Variants in RAPGEF4 observed in about 807,000 individuals in gnomAD.
RAPGEF4 encodes the protein RAP guanine-nucleotide-exchange factor (GEF) 4.
RAPGEF4 carries 66 observed loss-of-function variants against 147.9 expected under a neutral mutation model. The observed-to-expected ratio is 0.45, with a 90% CI of 0.37 to 0.55. RAPGEF4 has a LOEUF of 0.55. Ranked by LOEUF, RAPGEF4 falls within the 20% of genes least tolerant of loss-of-function variation. RAPGEF4 has a pLI of 0.00. For synonymous variants in RAPGEF4, 419 were observed against 442.7 expected (o/e 0.95, Z 0.67); for missense variants, 1,071 against 1,257.3 (o/e 0.85, Z 2.24).
At chr2:172,850,491 A>G (rs762890847) in intron 4 of RAPGEF4, among the ~76,000 whole-genome samples, 2 of 151,878 alleles carry the variant, frequency 1.3e-5, no homozygotes, top group African/African-American at 4.8e-5. Context: ...GGTGGCGGGC[A>G]CCTATAGTCC....
At chr2:172,777,147 G>T (rs752818119) in intron 1 of RAPGEF4, among the ~76,000 whole-genome samples, 1 of 152,150 alleles carries the variant, frequency 6.6e-6, no homozygotes, top group African/African-American at 2.4e-5. Context: ...ATTAGAATAG[G>T]TCTAGCTCTT....
intron 4 of RAPGEF4, among the ~76,000 whole-genome samples, chr2:172,916,558 GGGTGATATATT>G (rs1309434529): frequency 2.0e-5 from 3 of 152,204 alleles, no homozygotes; most frequent in Non-Finnish European, 4.4e-5. Context: ...CAGGAATGCA[GGGTGATATATT>G]GGTCCTGTGG....
At chr2:172,889,050 G>A (rs1397953659) in intron 4 of RAPGEF4, among the ~76,000 whole-genome samples, 4 of 152,094 alleles carry the variant, frequency 2.6e-5, no homozygotes. Context: ...GAGTGCTGAC[G>A]AACAATTTCT....
At chr2:172,985,379 T>A in intron 11 of RAPGEF4, 54 bp from the exon 12 acceptor site, 2 of 1,613,480 alleles carry the variant, frequency 1.2e-6, no homozygotes, top group Non-Finnish European at 1.7e-6. Context: ...ACAACCCTTT[T>A]CCACCCAGAC....
At chr2:172,789,408 C>T (rs770256183) in intron 1 of RAPGEF4, among the ~76,000 whole-genome samples, 37 of 152,212 alleles carry the variant, frequency 2.4e-4, no homozygotes, top group Admixed American at 7.8e-4. Flanking sequence ...TATGATCCTG[C>T]GTTCTACAGT....
At chr2:172,742,677 T>G (rs958297907) in intron 1 of RAPGEF4, among the ~76,000 whole-genome samples, 5 of 152,202 alleles carry the variant, frequency 3.3e-5, no homozygotes, top group Non-Finnish European at 7.3e-5. Context: ...ACATATATAT[T>G]TGGAGTAATT....
intron 6 of RAPGEF4, among the ~76,000 whole-genome samples, chr2:172,953,837 T>TA (rs1244765576): frequency 6.6e-6 from 1 of 152,104 alleles, no homozygotes; most frequent in Non-Finnish European, 1.5e-5. Flanking sequence ...GCTACTAGTG[T>TA]ATGAGGGAGA....
intron 24 of RAPGEF4, among the ~76,000 whole-genome samples, 177 bp downstream of exon 24, chr2:173,026,874 CT>C (rs1385009940): frequency 6.6e-6 from 1 of 152,098 alleles, no homozygotes; most frequent in Non-Finnish European, 1.5e-5. Context: ...AAAGAAAAAT[CT>C]TTACAGTATG....
chr2:172,941,729 A>G (rs964967332), intron 6 of RAPGEF4, among the ~76,000 whole-genome samples: 11 of 152,114 alleles, frequency 7.2e-5, no homozygotes, highest in Admixed American at 7.2e-4. Context: ...TGACTGCTTG[A>G]GCTCAATGCT....
intron 1 of RAPGEF4, among the ~76,000 whole-genome samples, chr2:172,773,632 C>T (rs1163784864): frequency 6.6e-6 from 1 of 151,124 alleles, no homozygotes; most frequent in Non-Finnish European, 1.5e-5. Flanking sequence ...CACTGCCTCC[C>T]TGCCCCACAC....
At chr2:172,819,337 C>T in intron 4 of RAPGEF4, among the ~76,000 whole-genome samples, 1 of 151,998 alleles carries the variant, frequency 6.6e-6, no homozygotes, top group East Asian at 1.9e-4. Flanking sequence ...TAAAACATCT[C>T]ATTTTCCAGT....
At chr2:172,955,294 T>C (rs1251865611) in intron 6 of RAPGEF4, among the ~76,000 whole-genome samples, 3 of 152,224 alleles carry the variant, frequency 2.0e-5, no homozygotes, top group African/African-American at 7.2e-5. Flanking sequence ...CTGATTAGTA[T>C]TTATGTATTG....
intron 4 of RAPGEF4, among the ~76,000 whole-genome samples, chr2:172,890,778 T>C (rs1022835980): frequency 1.3e-5 from 2 of 152,230 alleles, no homozygotes; most frequent in Admixed American, 1.3e-4. Context: ...ATTCTTTCAC[T>C]GGATACATAA....
chr2:172,744,442 A>G (rs1694590498), intron 1 of RAPGEF4: 1 of 456,298 alleles, frequency 2.2e-6, no homozygotes, highest in Non-Finnish European at 4.4e-6. Context: ...GCTAATGCAA[A>G]CGTTGCGTGG....
At chr2:172,866,577 T>G (rs1694672583) in intron 4 of RAPGEF4, among the ~76,000 whole-genome samples, 1 of 152,122 alleles carries the variant, frequency 6.6e-6, no homozygotes, top group East Asian at 1.9e-4. Flanking sequence ...TACATACTAT[T>G]GACTCCCATG....
intron 3 of RAPGEF4, among the ~76,000 whole-genome samples, chr2:172,813,666 T>C (rs1688229057): frequency 1.3e-5 from 2 of 151,974 alleles, no homozygotes; most frequent in African/African-American, 4.8e-5. Context: ...TTAAATATTG[T>C]AACTGCACTC....
intron 14 of RAPGEF4, among the ~76,000 whole-genome samples, chr2:172,990,364 A>AAAAACAAAAC (rs748447229): frequency 6.6e-6 from 1 of 152,230 alleles, no homozygotes; most frequent in Non-Finnish European, 1.5e-5. Context: ...GATTTTTCTT[A>AAAAACAAAAC]AAAACAAAAC....
intron 1 of RAPGEF4, among the ~76,000 whole-genome samples, chr2:172,776,038 A>T (rs1429642577): frequency 6.6e-6 from 1 of 152,208 alleles, no homozygotes; most frequent in African/African-American, 2.4e-5. Flanking sequence ...GTTTTGACTA[A>T]GATATTCATA....
intron 3 of RAPGEF4, among the ~76,000 whole-genome samples, chr2:172,803,844 C>G (rs1687212737): frequency 6.6e-6 from 1 of 152,184 alleles, no homozygotes; most frequent in Admixed American, 6.5e-5. Context: ...CTCTCAAGTT[C>G]AAAGTTCCAC....
Sources: gnomAD v4.1 joint callset for allele counts (sites outside exome capture counted in the v4.1 genomes callset) on GRCh38, gnomAD v4.1.1 for gene constraint, MANE v1.5 for transcripts, NCBI Gene and HGNC (gene_info 2026-07-23, HGNC 2026-07-21) for gene names.